The following CATSPERD variants were observed in gnomAD, a reference collection of about 807,000 sequenced individuals.
CATSPERD encodes catsper channel auxiliary subunit delta, also known as cation channel sperm-associated auxiliary subunit delta.
CATSPERD carries 86 observed loss-of-function variants against 98.1 expected under a neutral mutation model. The ratio of observed to expected loss-of-function variants is 0.88; its 90% CI spans 0.74 to 1.05. The LOEUF (loss-of-function observed/expected upper bound fraction) is 1.05. CATSPERD is among the 50% of genes least tolerant of loss of function. The pLI is 0.00. For missense variants in CATSPERD, 995 were observed against 1,005.7 expected, an observed-to-expected ratio of 0.99 and a Z score of 0.14; for synonymous variants, 394 against 390.2, an observed-to-expected ratio of 1.01 and a Z score of -0.12.
chr19:5,727,351 G>T lies in CATSPERD; in HGVS notation c.203+7G>T, dbSNP rs1441760999. 1.3e-6 allele frequency: 2 copies of T among 1,589,094 alleles called. No homozygotes were observed. Among genetic ancestry groups the T allele is most frequent in the African/African-American group, 2.7e-5 (2 of 74,286 alleles). ...ATATAGCACTATATCTAGGGTAAGT[G>T]GCAATTTTATGTACTGTTACCTTCC... On this transcript the variant is annotated splice_region_variant and intron_variant, in intron 3 of 21. Coordinates refer to ENST00000381624, the MANE Select transcript of CATSPERD (RefSeq NM_152784.4).
intron 12 of CATSPERD, chr19:5,753,628 G>A: frequency 2.5e-6 from 1 of 392,250 alleles, no homozygotes; most frequent in South Asian, 1.8e-5. Flanking sequence ...CAAGCACTTT[G>A]GGAGGCCGAG....
Position 5,720,641 on chromosome 19 carries a change from A to T in CATSPERD, c.-97A>T, listed in dbSNP as rs1473850034. The T allele has an allele frequency of 2.5e-6, 3 of 1,223,696 alleles. No homozygotes were observed. Among genetic ancestry groups the T allele is most frequent in the East Asian group, 5.0e-5 (2 of 39,778 alleles). 75.8% of individuals were successfully genotyped at this position (1,223,696 alleles called of 1,614,324 possible). A position where few individuals can be genotyped will look rare whatever the true frequency, so the allele number is the denominator to read the frequency against. On this transcript the variant is annotated 5_prime_UTR_variant, in exon 1 of 22. It removes an upstream start codon present in the reference 5' UTR. Transcript: ENST00000381624. ...GGAGGCCCGCTCCCGGGACTCATTG[A>T]TGCGCATGCGCAGGGCTTCAGCCTG...
In CATSPERD at chr19:5,751,747, CT is replaced by C; in HGVS notation, c.1092del (p.Phe364LeufsTer8). The C allele has an allele frequency of 1.2e-6, 2 of 1,613,858 alleles. No homozygotes were observed. The highest frequency in any genetic ancestry group is 1.7e-6 in the Non-Finnish European group (2 of 1,179,972). On this transcript the variant is annotated frameshift_variant, in exon 12 of 22. Coordinates refer to ENST00000381624, the MANE Select transcript of CATSPERD (RefSeq NM_152784.4). LOFTEE classifies it high-confidence loss of function. Reference protein sequence around the residue: ...LTPLRDTAFPAFDFQKCLVNI... With the variant: ...LTPLRDTAFPXFDFQKCLVNI... The stretch of plus-strand genomic sequence containing the variant: ...CCACTGCGTGACACAGCCTTTCCAG[CT>C]TTTGATTTCCAGAAGTGCCTCGTGA...
chr19:5,750,540 T>C (rs1291393622), intron 11 of CATSPERD, among the ~76,000 whole-genome samples: 1 of 150,258 alleles, frequency 6.7e-6, no homozygotes, highest in Non-Finnish European at 1.5e-5. Context: ...CAGGAGTTCA[T>C]GACCAGCATG....
At chr19:5,768,113 T>G in intron 17 of CATSPERD, 55 bp from the exon 18 acceptor site, 1 of 1,503,106 alleles carries the variant, frequency 6.7e-7, no homozygotes, top group South Asian at 1.1e-5. Context: ...CCATCCATAA[T>G]GGTTTGGTTC....
At position 5,753,288 on chromosome 19, in the gene CATSPERD, C is replaced by T. The variant is rs183685093; in HGVS notation, c.1165-844C>T. Reference sequence around the variant, plus strand: ...AAGAAACAGAAAGAGGGGGCGGGCGCGGTGGCTCACGCCTGTAATCCCAGC... The same window carrying T: ...AAGAAACAGAAAGAGGGGGCGGGCGTGGTGGCTCACGCCTGTAATCCCAGC... On this transcript the variant is annotated intron_variant, in intron 12 of 21. Coordinates refer to ENST00000381624, the MANE Select transcript of CATSPERD (RefSeq NM_152784.4). Among the ~76,000 whole-genome samples the T allele has an allele frequency of 9.9e-5, 15 of 151,692 alleles. No individual in the cohort carries two copies. The East Asian group carries it at 1.4e-3, about 14-fold the overall frequency.
At position 5,778,466 on chromosome 19, in the gene CATSPERD, C is replaced by T; in HGVS notation, c.2187C>T (p.Ile729=). Residue 729 remains isoleucine (I), a synonymous_variant, in exon 22 of 22, where the codon ATC becomes ATT. Coordinates refer to ENST00000381624, the MANE Select transcript of CATSPERD (RefSeq NM_152784.4). ...CTGCTGGAGTCGTCATCCTACTGAT[C>T]ATCTCCAGCATCCTGGGGTCCGTTT... is the stretch of plus-strand genomic sequence containing the variant. ...LVSAGVVILL[I]ISSILGSVWL... 6.2e-7 allele frequency: 1 copy of T among 1,614,036 alleles called. No individual in the cohort carries two copies. The highest frequency in any genetic ancestry group is 8.5e-7 in the Non-Finnish European group (1 of 1,180,038).
rs1213718606 is a variant in CATSPERD, at chr19:5,778,636, G to A, written c.2357G>A (p.Gly786Glu). 2.9e-5 allele frequency: 46 copies of A among 1,613,470 alleles called. No homozygotes were observed. Among genetic ancestry groups the A allele is most frequent in the Non-Finnish European group, 3.6e-5 (43 of 1,180,014 alleles). Residue 786 changes from glycine to glutamate, a missense_variant, in exon 22 of 22, where the codon GGA becomes GAA. By Grantham distance (98) the Gly-to-Glu change is moderately conservative. Coordinates refer to ENST00000381624, the MANE Select transcript of CATSPERD (RefSeq NM_152784.4). ...GCCAGGGCAGGCACAGAGCCCCCGG[G>A]ACGCCACCGCACTCCTCACGGAGGC... Reference protein sequence around the residue: ...ATARAGTEPPGRHRTPHGGRS... With the variant: ...ATARAGTEPPERHRTPHGGRS...
chr19:5,754,810 CCTT>C (rs1418830184), intron 13 of CATSPERD, among the ~76,000 whole-genome samples: 1 of 151,920 alleles, frequency 6.6e-6, no homozygotes, highest in East Asian at 1.9e-4. Flanking sequence ...CCTCCTCCAT[CCTT>C]CTGAGCTGCC....
intron 18 of CATSPERD, 60 bp downstream of exon 18, chr19:5,768,302 C>A: frequency 1.5e-6 from 2 of 1,301,142 alleles, no homozygotes; most frequent in South Asian, 1.5e-5. Flanking sequence ...CCTGCAAAAG[C>A]CAAGAGCAAA....
intron 18 of CATSPERD, 105 bp downstream of exon 18, chr19:5,768,347 A>AT: frequency 1.9e-5 from 12 of 640,198 alleles, no homozygotes; most frequent in African/African-American, 2.9e-5. Flanking sequence ...TTTATTTATT[A>AT]TTATTATTGA....
chr19:5,720,913 T>G, intron 1 of CATSPERD, 105 bp downstream of exon 1: 1 of 865,742 alleles, frequency 1.2e-6, no homozygotes, highest in Non-Finnish European at 1.7e-6. Flanking sequence ...GAGGCTCCCC[T>G]TTTACTCTTT....
At chr19:5,736,430 C>G (rs530703403) in intron 5 of CATSPERD, among the ~76,000 whole-genome samples, 1 of 152,086 alleles carries the variant, frequency 6.6e-6, no homozygotes, top group Non-Finnish European at 1.5e-5. Context: ...CTGAACTTTT[C>G]TCCAGGCTGG....
chr19:5,748,323 A>G, intron 10 of CATSPERD, 68 bp downstream of exon 10: 1 of 1,453,754 alleles, frequency 6.9e-7, no homozygotes, highest in Non-Finnish European at 9.6e-7. Context: ...GGCCTGCCAG[A>G]CCCAACCCAG....
Position 5,763,319 on chromosome 19 carries a change from A to G in CATSPERD, c.1506+26A>G, listed in dbSNP as rs371490414. 5 of 1,586,270 alleles carry G rather than the reference A, an allele frequency of 3.2e-6. No individual in the cohort carries two copies. The African/African-American group carries it at 6.7e-5, about 21-fold the overall frequency. Reference sequence around the variant, plus strand: ...GTAGGTCCCAAATCTTTGCTGTCCCATATTCGGTGTCATAAGTGTTAAGAC... The same window carrying G: ...GTAGGTCCCAAATCTTTGCTGTCCCGTATTCGGTGTCATAAGTGTTAAGAC... On this transcript the variant is annotated intron_variant, in intron 16 of 21. Coordinates refer to ENST00000381624, the MANE Select transcript of CATSPERD (RefSeq NM_152784.4).
intron 15 of CATSPERD, among the ~76,000 whole-genome samples, chr19:5,762,261 GC>G (rs1337874494): frequency 7.0e-6 from 1 of 142,524 alleles, no homozygotes; most frequent in South Asian, 2.3e-4. Context: ...ACAGGGTTTC[GC>G]CATGTTGGCC....
chr19:5,742,040 A>G (rs78337013), intron 7 of CATSPERD, among the ~76,000 whole-genome samples: 2 of 145,846 alleles, frequency 1.4e-5, no homozygotes, highest in East Asian at 2.0e-4. Flanking sequence ...TGTCTCAAGG[A>G]AAAAAAAAAA....
intron 6 of CATSPERD, 52 bp downstream of exon 6, chr19:5,737,257 A>G (rs768600772): frequency 8.8e-6 from 11 of 1,249,658 alleles, no homozygotes; most frequent in Middle Eastern, 1.9e-4. Context: ...TCTGAACACA[A>G]ATAATCATGA....
chr19:5,764,518 C>T (rs1256507541), intron 16 of CATSPERD, among the ~76,000 whole-genome samples: 45 of 151,388 alleles, frequency 3.0e-4, no homozygotes, highest in Non-Finnish European at 1.2e-4. Context: ...AGGGTTTCAC[C>T]GTGTTAGCCA....
Sources: gnomAD v4.1 joint callset for allele counts (sites outside exome capture counted in the v4.1 genomes callset) on GRCh38, gnomAD v4.1.1 for gene constraint, MANE v1.5 for transcripts, NCBI Gene and HGNC (gene_info 2026-07-23, HGNC 2026-07-21) for gene names.